TNPO1: variants seen among roughly 807,000 people sequenced by gnomAD.
TNPO1 encodes the protein transportin 1, also known as transportin-1.
In TNPO1, 8 loss-of-function variants were observed where a neutral mutation model predicts 119.5. The ratio of observed to expected loss-of-function variants is 0.07; its 90% CI spans 0.04 to 0.12. The LOEUF is 0.12. TNPO1 is among the 10% of genes least tolerant of loss of function. The pLI is 1.00. For synonymous variants in TNPO1, 362 were observed against 363.0 expected (o/e 1.00, Z 0.03); for missense variants, 576 against 1,089.8 (o/e 0.53, Z 6.64).
At chr5:72,875,833 A>C (rs1747724053) in intron 8 of TNPO1, 96 bp downstream of exon 8, 1 of 1,349,342 alleles carries the variant, frequency 7.4e-7, no homozygotes, top group Non-Finnish European at 1.0e-6. Context: ...GGGACTATAA[A>C]ATAGTTATAA....
Position 72,852,338 on chromosome 5 carries a change from T to G in TNPO1, c.205+1019T>G, listed in dbSNP as rs113918971. On this transcript the variant is annotated intron_variant, in intron 3 of 24. Transcript: ENST00000337273. ...ATAAATATTTATGGAGCGCCATCTC[T>G]GCCATGCAATTTACAGGCTCAGGAG... Among the ~76,000 whole-genome samples the G allele has an allele frequency of 4.1e-3, 623 of 152,318 alleles. 7 individuals are homozygous for G. The highest frequency in any genetic ancestry group is 0.014 in the African/African-American group (592 of 41,566).
Position 72,875,753 on chromosome 5 carries a change from T to G in TNPO1, c.801+16T>G. 3.8e-6 allele frequency: 6 copies of G among 1,589,340 alleles called. No individual in the cohort carries two copies. The highest frequency in any genetic ancestry group is 5.2e-6 in the Non-Finnish European group (6 of 1,160,964). On this transcript the variant is annotated intron_variant, in intron 8 of 24. Transcript: ENST00000337273. ...TATAGTTGAGGTAACACTGGCAATT[T>G]AAAGGCTCTTTCATCATCTTTCCCC...
intron 24 of TNPO1, among the ~76,000 whole-genome samples, chr5:72,907,560 T>C (rs1750257994): frequency 6.6e-6 from 1 of 152,208 alleles, no homozygotes; most frequent in Non-Finnish European, 1.5e-5. Flanking sequence ...GAGTTCTGTT[T>C]GTAAAAGGAC....
chr5:72,834,494 C>T (rs1479972226), intron 1 of TNPO1, among the ~76,000 whole-genome samples: 18 of 151,832 alleles, frequency 1.2e-4, no homozygotes, highest in Non-Finnish European at 2.9e-5. Context: ...TGTGTGTGTT[C>T]GTGTCTTCAT....
chr5:72,818,738 C>T (rs1296678974), intron 1 of TNPO1, among the ~76,000 whole-genome samples: 1 of 152,052 alleles, frequency 6.6e-6, no homozygotes, highest in Non-Finnish European at 1.5e-5. Flanking sequence ...AAGATATCTT[C>T]CCCCCTCAAA....
At chr5:72,878,097 A>G (rs1747939594) in intron 9 of TNPO1, among the ~76,000 whole-genome samples, 2 of 152,224 alleles carry the variant, frequency 1.3e-5, no homozygotes, top group Admixed American at 1.3e-4. Flanking sequence ...CTATTCCATC[A>G]TGGTATACAT....
intron 1 of TNPO1, among the ~76,000 whole-genome samples, chr5:72,829,598 C>G (rs1303185055): frequency 6.6e-6 from 1 of 152,174 alleles, no homozygotes; most frequent in Non-Finnish European, 1.5e-5. Flanking sequence ...GTAATGCCAG[C>G]TTTTGTATGT....
rs779907336 is a variant in TNPO1, at chr5:72,877,329, C to T, written c.903C>T (p.Leu301=). 1.1e-5 allele frequency: 18 copies of T among 1,596,390 alleles called. No individual in the cohort carries two copies. The highest frequency in any genetic ancestry group is 1.5e-5 in the Non-Finnish European group (17 of 1,166,030). The change falls in exon 9 of 25, where the codon CTC becomes CTT. Residue 301 remains leucine, a synonymous_variant. Transcript: ENST00000337273. ...LAEQPICKDV[L]VRHLPKLIPV... is the part of the protein sequence containing the mutation. ...AACAGCCAATATGCAAAGATGTACT[C>T]GTAAGGCATCTTCCTAAGTAAGTGT...
chr5:72,856,030 G>T, intron 4 of TNPO1, 107 bp downstream of exon 4: 4 of 1,223,360 alleles, frequency 3.3e-6, no homozygotes. Flanking sequence ...GTTAAATTGT[G>T]TTGGGGAAAC....
Position 72,833,123 on chromosome 5 carries a change from C to G in TNPO1, c.16-15262C>G, listed in dbSNP as rs1317353257. On this transcript the variant is annotated intron_variant, in intron 1 of 24. Transcript: ENST00000337273. ...CATGAATGACTTAAAATAAACCTCC[C>G]CTTTTCTCTTAGACAATCCGAATTT... 2.0e-5 allele frequency among the ~76,000 whole-genome samples: 3 copies of G among 152,224 alleles called. No individual in the cohort carries two copies. The East Asian group carries it at 5.8e-4, about 29-fold the overall frequency.
At chr5:72,901,452 C>T (rs1749791270) in intron 22 of TNPO1, among the ~76,000 whole-genome samples, 1 of 152,100 alleles carries the variant, frequency 6.6e-6, no homozygotes. Flanking sequence ...TACTGTCTCT[C>T]TATTCTGAAT....
intron 1 of TNPO1, among the ~76,000 whole-genome samples, chr5:72,838,500 C>G (rs1744786292): frequency 6.6e-6 from 1 of 152,146 alleles, no homozygotes; most frequent in South Asian, 2.1e-4. Flanking sequence ...ATGTGTTTCA[C>G]AGGAAAATAT....
chr5:72,837,979 A>G (rs1393535268), intron 1 of TNPO1, among the ~76,000 whole-genome samples: 3 of 152,146 alleles, frequency 2.0e-5, no homozygotes, highest in East Asian at 1.9e-4. Context: ...TTTTTCTGCT[A>G]TGTCTCTTTT....
At chr5:72,907,859 C>T (rs6873306) in intron 24 of TNPO1, among the ~76,000 whole-genome samples, 26,482 of 151,500 alleles carry the variant, frequency 0.17, 2,548 homozygotes, top group African/African-American at 0.25. Flanking sequence ...GCCTGGGCAA[C>T]ATGATGAGAT....
rs1580450755 is a variant in TNPO1 at position 72,882,623 on chromosome 5, C to A, written c.981+96C>A. On this transcript the variant is annotated intron_variant, in intron 10 of 24. Transcript: ENST00000337273. ...AATAAAACATTCATTGAGAATAGAT[C>A]TCCTGTAAATAGACTTCCTATTATC... 8 of 803,684 alleles carry A rather than the reference C, an allele frequency of 1.0e-5. No homozygotes were observed. In the East Asian group the frequency reaches 2.0e-4, roughly 20 times the overall value. 49.8% of individuals were successfully genotyped at this position (803,684 alleles called of 1,614,324 possible). A position where few individuals can be genotyped will look rare whatever the true frequency, so the allele number is the denominator to read the frequency against.
At chr5:72,847,273 A>G (rs1029873391) in intron 1 of TNPO1, among the ~76,000 whole-genome samples, 4 of 152,220 alleles carry the variant, frequency 2.6e-5, no homozygotes, top group African/African-American at 9.6e-5. Flanking sequence ...CCTCTCCTTT[A>G]TCAAACTGTT....
At chr5:72,847,218 G>T (rs1365807431) in intron 1 of TNPO1, among the ~76,000 whole-genome samples, 1 of 152,146 alleles carries the variant, frequency 6.6e-6, no homozygotes, top group African/African-American at 2.4e-5. Flanking sequence ...AAAGGTAGTA[G>T]TTTTTTTAAG....
rs771495812 is a variant in TNPO1 at position 72,887,173 on chromosome 5, A to G, written c.1254A>G (p.Glu418=). 1.2e-6 allele frequency: 2 copies of G among 1,613,734 alleles called. No homozygotes were observed. Among genetic ancestry groups the G allele is most frequent in the Non-Finnish European group, 1.7e-6 (2 of 1,179,758 alleles). The change falls in exon 12 of 25, where the codon GAA becomes GAG. Residue 418 remains glutamate (E), a synonymous_variant. Coordinates refer to ENST00000337273, the MANE Select transcript of TNPO1 (RefSeq NM_002270.4). ...PLLKELLFHH[E]WVVKESGILV... is the part of the protein sequence containing the mutation. ...TGAAAGAATTACTTTTTCATCATGA[A>G]TGGGTTGTTAAAGAATCAGGCATTT...
rs189769630 is a variant in TNPO1, at chr5:72,910,648, T to G, written c.*1975T>G. 1 of 152,610 alleles carries G rather than the reference T, an allele frequency of 6.6e-6. No homozygotes were observed. Among genetic ancestry groups the G allele is most frequent in the South Asian group, 2.1e-4 (1 of 4,832 alleles). The allele number at this position is 152,610 out of a possible 1,614,324, so 9.5% of individuals were successfully genotyped here. A position where few individuals can be genotyped will look rare whatever the true frequency, so the allele number is the denominator to read the frequency against. ...CTGAATAACCATTTTTATAAGCAGT[T>G]GCTCCTCTTTGCATGGTTCTATTCT... On this transcript the variant is annotated 3_prime_UTR_variant, in exon 25 of 25. Transcript: ENST00000337273.
Sources: gnomAD v4.1 joint callset for allele counts (sites outside exome capture counted in the v4.1 genomes callset) on GRCh38, gnomAD v4.1.1 for gene constraint, MANE v1.5 for transcripts, NCBI Gene and HGNC (gene_info 2026-07-23, HGNC 2026-07-21) for gene names.